SLC28A1: variants seen among roughly 807,000 people sequenced by gnomAD.
SLC28A1 encodes the protein sodium/nucleoside cotransporter 1.
A neutral mutation model predicts 74.8 loss-of-function variants in SLC28A1; 64 were observed. The observed-to-expected ratio is 0.86, with a 90% confidence interval of 0.70 to 1.05. The LOEUF (loss-of-function observed/expected upper bound fraction) is 1.05, where lower values mean the gene tolerates loss of function less well. Ranked by LOEUF, SLC28A1 falls within the 50% of genes least tolerant of loss-of-function variation. The probability of loss-of-function intolerance (pLI) is 0.00; values close to 1 mark genes in which losing one functional copy is unlikely to be tolerated. For missense variants in SLC28A1, 828 were observed against 822.8 expected, an observed-to-expected ratio of 1.01 and a Z score of -0.08; for synonymous variants, 359 against 335.0, an observed-to-expected ratio of 1.07 and a Z score of -0.78.
chr15:84,935,212 A>G lies in SLC28A1; in HGVS notation c.1383+18A>G. 6.2e-7 allele frequency: 1 copy of G among 1,613,824 alleles called. No homozygotes were observed. Among genetic ancestry groups the G allele is most frequent in the Non-Finnish European group, 8.5e-7 (1 of 1,179,758 alleles). On this transcript the variant is annotated intron_variant, in intron 14 of 18. Coordinates refer to ENST00000394573, the MANE Select transcript of SLC28A1 (RefSeq NM_004213.5). ...GCTTCCAGGTGCGTTTCTGGCCACC[A>G]CACTCAGTCTGTAGAGAGGATGGCC...
intron 6 of SLC28A1, chr15:84,895,511 G>C: frequency 6.3e-7 from 1 of 1,576,356 alleles, no homozygotes; most frequent in East Asian, 2.4e-5. Context: ...CCAGGTGCTG[G>C]TATTTTTCAT....
At chr15:84,974,135 G>A in the SLC28A1 span, among the ~76,000 whole-genome samples, 2 of 152,180 alleles carry the variant, frequency 1.3e-5, no homozygotes, top group Non-Finnish European at 2.9e-5. Context: ...AGTGATTCAC[G>A]ATCGTTGCGG....
At position 84,905,582 on chromosome 15, in the gene SLC28A1, T is replaced by C. The variant is rs1268681464; in HGVS notation, c.647T>C (p.Val216Ala). 1 of 1,614,148 alleles carries C rather than the reference T, an allele frequency of 6.2e-7. No homozygotes were observed. The highest frequency in any genetic ancestry group is 2.2e-5 in the East Asian group (1 of 44,876). ...TCTTGGGGACTTGGACTGCAGTTTG[T>C]ACTTGGACTCCTCGTCATCAGAACA... is the stretch of plus-strand genomic sequence containing the variant. ...AVSWGLGLQF[V>A]LGLLVIRTEP... Residue 216 changes from valine (V) to alanine (A), a missense_variant, in exon 8 of 19, where the codon GTA becomes GCA. Val to Ala is a moderately conservative substitution (Grantham distance 64). Around this residue, in one of 3 missense-constraint regions of SLC28A1, gnomAD observed 767 missense variants for 753.5 expected, o/e 1.02. Transcript: ENST00000394573.
At chr15:84,899,154 G>A (rs966403799) in intron 6 of SLC28A1, among the ~76,000 whole-genome samples, 2 of 151,044 alleles carry the variant, frequency 1.3e-5, no homozygotes, top group Admixed American at 6.6e-5. Context: ...ATTGTTTAGC[G>A]TACTAAGAAG....
intron 11 of SLC28A1, 77 bp downstream of exon 11, chr15:84,921,146 C>G: frequency 9.0e-7 from 1 of 1,109,596 alleles, no homozygotes; most frequent in Non-Finnish European, 1.4e-6. Context: ...ATCCCCAGAG[C>G]TCTGATTCAG....
the SLC28A1 span, among the ~76,000 whole-genome samples, chr15:84,966,104 G>A: frequency 6.6e-6 from 1 of 152,106 alleles, no homozygotes. Flanking sequence ...TTGAGACAGA[G>A]TCTTGCTCTG....
intron 12 of SLC28A1, among the ~76,000 whole-genome samples, chr15:84,925,369 CG>C (rs1970391807): frequency 6.6e-6 from 1 of 151,952 alleles, no homozygotes; most frequent in African/African-American, 2.4e-5. Flanking sequence ...GATGCCAAGG[CG>C]GGTGGATCAT....
intron 12 of SLC28A1, among the ~76,000 whole-genome samples, chr15:84,932,105 G>A (rs548374261): frequency 6.6e-6 from 1 of 152,214 alleles, no homozygotes; most frequent in African/African-American, 2.4e-5. Flanking sequence ...CTTTTCATGC[G>A]CCATTTTGGA....
chr15:84,913,457 G>A (rs111931344), intron 9 of SLC28A1, among the ~76,000 whole-genome samples: 5 of 152,304 alleles, frequency 3.3e-5, no homozygotes, highest in East Asian at 1.9e-4. Flanking sequence ...TGCTCAGAGC[G>A]TCTAATCTAG....
the SLC28A1 span, chr15:84,961,442 C>A: frequency 2.2e-6 from 1 of 448,490 alleles, no homozygotes; most frequent in Non-Finnish European, 4.4e-6. Flanking sequence ...AGGGATCTTC[C>A]TACCTCAGTC....
chr15:84,909,507 G>A (rs1967817510), intron 9 of SLC28A1, among the ~76,000 whole-genome samples: 1 of 152,252 alleles, frequency 6.6e-6, no homozygotes. Flanking sequence ...GTCAGCCTGT[G>A]CGGAGGATGA....
chr15:84,941,358 A>G (rs1446119623), intron 15 of SLC28A1, among the ~76,000 whole-genome samples: 2 of 151,774 alleles, frequency 1.3e-5, no homozygotes, highest in Non-Finnish European at 2.9e-5. Flanking sequence ...GGCACCCGCC[A>G]CTGTGCCCGG....
chr15:84,974,011 C>G, the SLC28A1 span, among the ~76,000 whole-genome samples: 2 of 152,180 alleles, frequency 1.3e-5, no homozygotes. Context: ...TGGGACCTGG[C>G]AGGCCTGTGT....
At chr15:84,888,690 A>G (rs1964899588) in intron 3 of SLC28A1, 82 bp from the exon 4 acceptor site, 2 of 924,776 alleles carry the variant, frequency 2.2e-6, no homozygotes. Flanking sequence ...CCAGGGTCTC[A>G]CCGTGGCCCC....
At chr15:84,946,110 ATATTTTTTTT>A (rs2079215518), downstream of SLC28A1, among the ~76,000 whole-genome samples, 8 of 9,598 alleles carry the variant, frequency 8.3e-4, no homozygotes, top group African/African-American at 2.4e-3. Flanking sequence ...ATATATATAT[ATATTTTTTTT>A]TTTTTTTTTT....
At chr15:84,921,525 A>G (rs1596310196) in intron 11 of SLC28A1, among the ~76,000 whole-genome samples, 1 of 152,038 alleles carries the variant, frequency 6.6e-6, no homozygotes, top group Middle Eastern at 3.4e-3. Context: ...AGTAAATGTG[A>G]CTCTGAAAGT....
chr15:84,895,897 C>T, intron 6 of SLC28A1: 1 of 1,007,430 alleles, frequency 9.9e-7, no homozygotes, highest in Middle Eastern at 5.1e-4. Context: ...ACAGGGGTGC[C>T]TCTCACTTTC....
At chr15:84,885,888 G>A (rs992313010) in intron 1 of SLC28A1, among the ~76,000 whole-genome samples, 8 of 152,124 alleles carry the variant, frequency 5.3e-5, no homozygotes, top group African/African-American at 1.9e-4. Context: ...TAATTCAAAT[G>A]ACAGATGAAG....
At chr15:84,962,295 A>T in the SLC28A1 span, among the ~76,000 whole-genome samples, 1 of 152,006 alleles carries the variant, frequency 6.6e-6, no homozygotes, top group African/African-American at 2.4e-5. Context: ...GCTTGTCTCG[A>T]ACTCCTGGCC....
Sources: allele counts gnomAD v4.1 joint callset (sites outside exome capture counted in the v4.1 genomes callset), GRCh38; gene constraint gnomAD v4.1.1; regional missense constraint gnomAD v4.1.1; transcripts MANE v1.5; gene names NCBI Gene and HGNC (gene_info 2026-07-23, HGNC 2026-07-21).